Variants in CBX7 observed in about 807,000 individuals in gnomAD.
CBX7 encodes the protein chromobox protein homolog 7.
A neutral mutation model predicts 31.4 loss-of-function variants in CBX7; 14 were observed. That is an observed-to-expected ratio of 0.45 (90% CI 0.29 to 0.70). The LOEUF (loss-of-function observed/expected upper bound fraction) is 0.70, where lower values mean the gene tolerates loss of function less well. CBX7 is among the 30% of genes least tolerant of loss of function. The pLI is 0.11. For missense variants in CBX7, 269 were observed against 351.9 expected (o/e 0.76, Z 1.89); for synonymous variants, 159 against 152.6 (o/e 1.04, Z -0.31).
chr22:39,149,571 G>A (rs1930779183), intron 2 of CBX7: 7 of 580,238 alleles, frequency 1.2e-5, no homozygotes, highest in East Asian at 2.9e-5. Context: ...ACACTCAGGA[G>A]GGCAGGGTGA....
Position 39,152,549 on chromosome 22 carries a change from C to A in CBX7, c.-105G>T. 2.6e-6 allele frequency: 1 copy of A among 389,664 alleles called. No individual in the cohort carries two copies. The highest frequency in any genetic ancestry group is 3.5e-6 in the Non-Finnish European group (1 of 286,602). 24.1% of individuals were successfully genotyped at this position (389,664 alleles called of 1,614,324 possible). Reference sequence around the variant, plus strand: ...CTGGGGCTGGCGGGGTCCCCGTCACCCTCGTCCGGGCGCGCACGCGCACGC... The same window carrying A: ...CTGGGGCTGGCGGGGTCCCCGTCACACTCGTCCGGGCGCGCACGCGCACGC... On this transcript the variant is annotated 5_prime_UTR_variant, in exon 1 of 6. Coordinates refer to ENST00000216133, the MANE Select transcript of CBX7 (RefSeq NM_175709.5). The surrounding 1 kb of genome is among the most constrained non-coding windows in gnomAD (Gnocchi z 4.9).
intron 5 of CBX7, 99 bp downstream of exon 5, chr22:39,134,302 A>G: frequency 2.8e-6 from 3 of 1,090,712 alleles, no homozygotes; most frequent in Non-Finnish European, 3.8e-6. Flanking sequence ...CTGGCCCCAC[A>G]AAGCACTACA....
intron 3 of CBX7, among the ~76,000 whole-genome samples, chr22:39,140,770 G>A (rs1013954365): frequency 7.2e-5 from 11 of 152,196 alleles, no homozygotes; most frequent in South Asian, 4.1e-4. Flanking sequence ...AACTGTTAGG[G>A]TGTGCCCAGC....
intron 3 of CBX7, 150 bp from the exon 4 acceptor site, chr22:39,138,852 G>C (rs559611112): frequency 1.4e-6 from 1 of 720,344 alleles, no homozygotes; most frequent in South Asian, 1.6e-5. Flanking sequence ...TGCCTGGCTG[G>C]GGCCATAACA....
intron 4 of CBX7, among the ~76,000 whole-genome samples, chr22:39,136,925 AC>A (rs1308252959): frequency 2.0e-5 from 3 of 152,228 alleles, no homozygotes; most frequent in African/African-American, 7.2e-5. Context: ...AGGGAGGCCC[AC>A]CCCCTCTGGC....
chr22:39,134,190 G>T, intron 5 of CBX7, 142 bp from the exon 6 acceptor site: 1 of 936,778 alleles, frequency 1.1e-6, no homozygotes, highest in Admixed American at 2.8e-5. Flanking sequence ...ACACTTGGGA[G>T]GAGGGCACTG....
chr22:39,149,344 A>G (rs1483123762), intron 2 of CBX7: 1 of 186,600 alleles, frequency 5.4e-6, no homozygotes, highest in Middle Eastern at 2.1e-3. Flanking sequence ...TAGACTGGAA[A>G]GTGCCGTCTA....
At chr22:39,147,143 G>A (rs555091802) in intron 2 of CBX7, 1 of 115,646 alleles carries the variant, frequency 8.6e-6, no homozygotes, top group African/African-American at 3.4e-5. Flanking sequence ...TCACTGTGTT[G>A]CCCAGGCTGG....
At position 39,132,248 on chromosome 22, in the gene CBX7, A is replaced by C. The variant is rs1216843411; in HGVS notation, c.*1643T>G. ...ACCAGGGAAGAAGGGATTTGGGGAAAGAATCACCCTCTCCTTGCCTCAGTA... is the reference window on the plus strand; with the variant it reads ...ACCAGGGAAGAAGGGATTTGGGGAACGAATCACCCTCTCCTTGCCTCAGTA... On this transcript the variant is annotated 3_prime_UTR_variant, in exon 6 of 6. Coordinates refer to ENST00000216133, the MANE Select transcript of CBX7 (RefSeq NM_175709.5). 2 of 152,260 alleles carry C rather than the reference A, an allele frequency of 1.3e-5. No homozygotes were observed. The highest frequency in any genetic ancestry group is 2.9e-5 in the Non-Finnish European group (2 of 68,082). 9.4% of individuals were successfully genotyped at this position (152,260 alleles called of 1,614,324 possible).
At chr22:39,139,509 A>T (rs1424092445) in intron 3 of CBX7, among the ~76,000 whole-genome samples, 2 of 151,952 alleles carry the variant, frequency 1.3e-5, no homozygotes, top group African/African-American at 4.8e-5. Context: ...GAGACCATCC[A>T]GGCTAACACA....
rs763778953 is a variant in CBX7 at position 39,134,552 on chromosome 22, C to A, written c.447G>T (p.Leu149=). 2 of 1,609,158 alleles carry A rather than the reference C, an allele frequency of 1.2e-6. No homozygotes were observed. The highest frequency in any genetic ancestry group is 1.3e-5 in the African/African-American group (1 of 74,902). The change falls in exon 5 of 6, where the codon CTG becomes CTT. Residue 149 remains leucine (L), a synonymous_variant. Transcript: ENST00000216133. ...LRKPRKAHKY[L]RLSRKKFPPR... is the part of the protein sequence containing the mutation. ...GCGGGAACTTCTTGCGCGAGAGCCG[C>A]AGGTACTTGTGGGCCTTTCGGGGCT...
At chr22:39,144,401 G>T (rs934836111) in intron 2 of CBX7, among the ~76,000 whole-genome samples, 3 of 152,192 alleles carry the variant, frequency 2.0e-5, no homozygotes, top group Non-Finnish European at 2.9e-5. Context: ...CTGCCAGCAG[G>T]ACGAGCCTGC....
At chr22:39,134,202 G>T in intron 5 of CBX7, 154 bp from the exon 6 acceptor site, 1 of 871,590 alleles carries the variant, frequency 1.1e-6, no homozygotes, top group Non-Finnish European at 1.7e-6. Flanking sequence ...AGGGCACTGG[G>T]TGCATCCTCC....
chr22:39,149,764 GAC>G (rs776024849), intron 2 of CBX7, 23 bp downstream of exon 2: 5 of 1,609,660 alleles, frequency 3.1e-6, no homozygotes, highest in South Asian at 2.2e-5. Flanking sequence ...CAGACAGACA[GAC>G]ACACACACAT....
At chr22:39,141,837 G>A (rs532073700) in intron 2 of CBX7, among the ~76,000 whole-genome samples, 46 of 152,094 alleles carry the variant, frequency 3.0e-4, no homozygotes, top group African/African-American at 1.1e-3. Flanking sequence ...CTGCAAGTGT[G>A]CCTTCACCCT....
At position 39,134,429 on chromosome 22, in the gene CBX7, C is replaced by A. The variant is rs1244408573; in HGVS notation, c.570G>T (p.Glu190Asp). ...PDVLQAAGEW[E>D]PAAQPPEEEA... The stretch of plus-strand genomic sequence containing the variant: ...CCTCTTCAGGGGGCTGCGCAGCAGG[C>A]TCCCACTCGCCAGCCGCCTGCAGGA... The change falls in exon 5 of 6, where the codon GAG becomes GAT. Residue 190 changes from glutamate to aspartate, a missense_variant. Around this residue, in one of 2 missense-constraint regions of CBX7, gnomAD observed 222 missense variants for 240.4 expected, o/e 0.92. Transcript: ENST00000216133. 28 of 1,602,586 alleles carry A rather than the reference C, an allele frequency of 1.7e-5. No individual in the cohort carries two copies. Among genetic ancestry groups the A allele is most frequent in the Non-Finnish European group, 2.0e-5 (24 of 1,179,578 alleles).
chr22:39,139,499 G>A (rs1378882176), intron 3 of CBX7, among the ~76,000 whole-genome samples: 2 of 151,376 alleles, frequency 1.3e-5, no homozygotes, highest in South Asian at 2.1e-4. Context: ...TCAGGAGATC[G>A]AGACCATCCA....
At position 39,141,351 on chromosome 22, in the gene CBX7, C is replaced by T. The variant is rs201562510; in HGVS notation, c.179+20G>A. On this transcript the variant is annotated intron_variant, in intron 3 of 5. Coordinates refer to ENST00000216133, the MANE Select transcript of CBX7 (RefSeq NM_175709.5). ...TGAGCCGGCCCTAAGCCCCACCCGG[C>T]GGTGCCGAGGACACCGTACTTCTCC... 141 of 1,604,612 alleles carry T rather than the reference C, an allele frequency of 8.8e-5. 1 individual carries two copies. The African/African-American group carries it at 1.0e-3, about 11-fold the overall frequency.
At chr22:39,147,119 T>TTTTTTG (rs1930689967) in intron 2 of CBX7, 1 of 100,626 alleles carries the variant, frequency 9.9e-6, no homozygotes, top group African/African-American at 4.9e-5. Flanking sequence ...TTTTTTTTTG[T>TTTTTTG]GGGGGACGGC....
Sources: allele counts gnomAD v4.1 joint callset (sites outside exome capture counted in the v4.1 genomes callset), GRCh38; gene constraint gnomAD v4.1.1; regional missense constraint gnomAD v4.1.1; non-coding constraint Gnocchi (gnomAD v3.1); transcripts MANE v1.5; gene names NCBI Gene and HGNC (gene_info 2026-07-23, HGNC 2026-07-21).